Variants in SLC35F5 observed in about 807,000 individuals in gnomAD.
SLC35F5 encodes the protein HCV NS5A-transactivated protein 3.
Under a neutral mutation model 68.6 loss-of-function variants are expected in SLC35F5, and 54 were observed. The observed-to-expected ratio is 0.79, with a 90% CI of 0.63 to 0.99. SLC35F5 has a LOEUF of 0.99. Ranked by LOEUF, SLC35F5 falls within the 50% of genes least tolerant of loss-of-function variation. SLC35F5 has a pLI of 0.00. For missense variants in SLC35F5, 567 were observed against 626.9 expected, an observed-to-expected ratio of 0.90 and a Z score of 1.02; for synonymous variants, 211 against 205.2, an observed-to-expected ratio of 1.03 and a Z score of -0.24.
chr2:113,745,280 C>A (rs962153131), intron 5 of SLC35F5, among the ~76,000 whole-genome samples: 5 of 152,076 alleles, frequency 3.3e-5, no homozygotes, highest in Admixed American at 6.6e-5. Flanking sequence ...AAAAAAAATT[C>A]TTCATAGTAT....
intron 11 of SLC35F5, among the ~76,000 whole-genome samples, chr2:113,727,907 C>T (rs1158012066): frequency 6.6e-6 from 1 of 152,176 alleles, no homozygotes; most frequent in Non-Finnish European, 1.5e-5. Flanking sequence ...GACCCAACCA[C>T]CTACCTATAA....
chr2:113,744,065 CTCTT>C (rs1461511377), intron 5 of SLC35F5, among the ~76,000 whole-genome samples: 1 of 152,226 alleles, frequency 6.6e-6, no homozygotes, highest in Non-Finnish European at 1.5e-5. Context: ...AAAAACATAT[CTCTT>C]TCTTAGCTAA....
At chr2:113,722,929 A>C (rs754971516) in intron 13 of SLC35F5, among the ~76,000 whole-genome samples, 175 bp downstream of exon 13, 4 of 152,196 alleles carry the variant, frequency 2.6e-5, no homozygotes, top group Non-Finnish European at 5.9e-5. Flanking sequence ...TAAAAATGGA[A>C]ATTATCTATT....
intron 11 of SLC35F5, among the ~76,000 whole-genome samples, chr2:113,727,202 C>T (rs1687697092): frequency 6.6e-6 from 1 of 152,162 alleles, no homozygotes. Context: ...TTCCCCTTCA[C>T]CTTACGTCAT....
downstream of SLC35F5, among the ~76,000 whole-genome samples, chr2:113,706,275 A>T (rs1278101536): frequency 6.6e-6 from 1 of 152,076 alleles, no homozygotes; most frequent in Non-Finnish European, 1.5e-5. Flanking sequence ...AATGGCAAAA[A>T]GCAAAGCAAA....
intron 11 of SLC35F5, 87 bp downstream of exon 11, chr2:113,729,314 G>C: frequency 4.7e-6 from 3 of 631,738 alleles, no homozygotes; most frequent in South Asian, 4.3e-5. Context: ...AAAAAAAAAG[G>C]CTTCCCTATT....
chr2:113,728,054 CAA>C (rs1191029341), intron 11 of SLC35F5, among the ~76,000 whole-genome samples: 2 of 152,072 alleles, frequency 1.3e-5, no homozygotes, highest in Non-Finnish European at 2.9e-5. Context: ...TGCAGAGACA[CAA>C]TCATAGCTCA....
chr2:113,713,508 CA>C lies in SLC35F5; in HGVS notation c.*1709del, dbSNP rs1198463814. 6.6e-6 allele frequency: 1 copy of C among 151,854 alleles called. No homozygotes were observed. Among genetic ancestry groups the C allele is most frequent in the African/African-American group, 2.4e-5 (1 of 41,366 alleles). The allele number at this position is 151,854 out of a possible 1,614,324, so 9.4% of individuals were successfully genotyped here. A position where few individuals can be genotyped will look rare whatever the true frequency, so the allele number is the denominator to read the frequency against. ...TTTGTGAACTGTCGAACAGCAAAAA[CA>C]AAAAGTAGAGGTATCTAGATTATAA... On this transcript the variant is annotated 3_prime_UTR_variant, in exon 16 of 16. Transcript: ENST00000245680.
downstream of SLC35F5, among the ~76,000 whole-genome samples, chr2:113,706,288 G>A (rs898703471): frequency 2.0e-5 from 3 of 152,118 alleles, no homozygotes; most frequent in Admixed American, 1.3e-4. Context: ...AAAGCAAAGC[G>A]AGAGTATTTC....
At chr2:113,743,181 T>C (rs62170066) in intron 6 of SLC35F5, among the ~76,000 whole-genome samples, 22,026 of 152,250 alleles carry the variant, frequency 0.14, 1,733 homozygotes, top group African/African-American at 0.19. Flanking sequence ...TTAGTTTGAT[T>C]TACTATTTTA....
At chr2:113,715,477 C>A (rs1687143746) in intron 15 of SLC35F5, among the ~76,000 whole-genome samples, 1 of 152,104 alleles carries the variant, frequency 6.6e-6, no homozygotes, top group Non-Finnish European at 1.5e-5. Context: ...AAGTCACCTG[C>A]CCAGTCTATT....
intron 5 of SLC35F5, 120 bp downstream of exon 5, chr2:113,746,157 A>AG: frequency 2.7e-6 from 2 of 746,818 alleles, no homozygotes; most frequent in Non-Finnish European, 4.6e-6. Flanking sequence ...AATGATGGGC[A>AG]CCCAATATTG....
chr2:113,722,696 G>A (rs530866178), intron 13 of SLC35F5, among the ~76,000 whole-genome samples: 1 of 152,316 alleles, frequency 6.6e-6, no homozygotes, highest in Middle Eastern at 3.4e-3. Context: ...TGAGTCCAGA[G>A]AGAGATGGCT....
rs1687053097 is a variant in SLC35F5 at position 113,713,186 on chromosome 2, G to A, written c.*2032C>T. ...ATACTTTCAGTTAACCAATTGAACA[G>A]TGGTGCTTCCTTCTGAAGAAGTTGT... On this transcript the variant is annotated 3_prime_UTR_variant, in exon 16 of 16. Transcript: ENST00000245680. The A allele has an allele frequency of 6.6e-6, 1 of 152,212 alleles. No homozygotes were observed. The highest frequency in any genetic ancestry group is 1.5e-5 in the Non-Finnish European group (1 of 68,046). The allele number at this position is 152,212 out of a possible 1,614,324, so 9.4% of individuals were successfully genotyped here.
At position 113,729,342 on chromosome 2, in the gene SLC35F5, G is replaced by C. The variant is rs1687794128; in HGVS notation, c.1090+59C>G. On this transcript the variant is annotated intron_variant, in intron 11 of 15. Coordinates refer to ENST00000245680, the MANE Select transcript of SLC35F5 (RefSeq NM_025181.5). ...TCCCTATTCCCTCTGAAAAACAAAA[G>C]CAAAACCCTGTGTTAATCATTTAGA... The C allele has an allele frequency of 8.6e-5, 77 of 895,832 alleles. No homozygotes were observed. In the South Asian group the frequency reaches 1.2e-3, roughly 14 times the overall value. 55.5% of individuals were successfully genotyped at this position (895,832 alleles called of 1,614,324 possible).
chr2:113,713,888 A>C lies in SLC35F5; in HGVS notation c.*1330T>G, dbSNP rs1284580840. On this transcript the variant is annotated 3_prime_UTR_variant, in exon 16 of 16. Coordinates refer to ENST00000245680, the MANE Select transcript of SLC35F5 (RefSeq NM_025181.5). The stretch of plus-strand genomic sequence containing the variant: ...AACTTCATTTTAGACTCATGGTAAC[A>C]CCAAAGCAATTTTAAGAATGTGAAT... 3 of 152,156 alleles carry C rather than the reference A, an allele frequency of 2.0e-5. No individual in the cohort carries two copies. The highest frequency in any genetic ancestry group is 4.4e-5 in the Non-Finnish European group (3 of 68,010). The allele number at this position is 152,156 out of a possible 1,614,324, so 9.4% of individuals were successfully genotyped here. A position where few individuals can be genotyped will look rare whatever the true frequency, so the allele number is the denominator to read the frequency against.
At chr2:113,729,379 C>A in intron 11 of SLC35F5, 22 bp downstream of exon 11, 3 of 1,263,942 alleles carry the variant, frequency 2.4e-6, no homozygotes, top group Non-Finnish European at 3.4e-6. Context: ...TAAATAGCCT[C>A]CCAAGTTACA....
At chr2:113,728,570 A>G (rs575740866) in intron 11 of SLC35F5, among the ~76,000 whole-genome samples, 1 of 152,282 alleles carries the variant, frequency 6.6e-6, no homozygotes, top group Non-Finnish European at 1.5e-5. Context: ...CCTTCCAACC[A>G]TCCCAGAAGC....
rs561764721 is a variant in SLC35F5 at position 113,754,756 on chromosome 2, A to G, written c.273+409T>C. On this transcript the variant is annotated intron_variant, in intron 3 of 15. Transcript: ENST00000245680. ...TGGGCATTGTAACAGTGACCTATAC[A>G]TGAAAACTCATTATTTTTACTCATT... 3.7e-4 allele frequency among the ~76,000 whole-genome samples: 57 copies of G among 152,328 alleles called. 2 individuals carry two copies. In the South Asian group the frequency reaches 0.011, roughly 30 times the overall value.
Sources: gnomAD v4.1 joint callset for allele counts (sites outside exome capture counted in the v4.1 genomes callset) on GRCh38, gnomAD v4.1.1 for gene constraint, MANE v1.5 for transcripts, NCBI Gene and HGNC (gene_info 2026-07-23, HGNC 2026-07-21) for gene names.